The following HMCN2 variants were observed in gnomAD, a reference collection of about 807,000 sequenced individuals.
HMCN2 encodes hemicentin-2.
Under a neutral mutation model 377.5 loss-of-function variants are expected in HMCN2, and 325 were observed. The ratio of observed to expected loss-of-function variants is 0.86; its 90% CI spans 0.79 to 0.94. HMCN2 has a LOEUF of 0.94. Ranked by LOEUF, HMCN2 falls within the 40% of genes least tolerant of loss-of-function variation. The pLI is 0.00. For missense variants in HMCN2, 4,543 were observed against 4,725.3 expected (o/e 0.96, Z 1.13); for synonymous variants, 2,007 against 2,046.8 (o/e 0.98, Z 0.53).
chr9:130,397,915 A>T (rs371521238), intron 74 of HMCN2, among the ~76,000 whole-genome samples: 20 of 152,074 alleles, frequency 1.3e-4, no homozygotes, highest in African/African-American at 4.6e-4. Flanking sequence ...TGAGAGGCCG[A>T]GGCAGGAGGA....
intron 15 of HMCN2, among the ~76,000 whole-genome samples, chr9:130,317,044 C>T (rs1034899175): frequency 0.017 from 2,533 of 151,586 alleles, 65 homozygotes; most frequent in African/African-American, 0.057. Context: ...GGGTCCAGGG[C>T]ACAGCAATGA....
intron 15 of HMCN2, among the ~76,000 whole-genome samples, chr9:130,318,364 C>G (rs1395008202): frequency 6.6e-6 from 1 of 151,802 alleles, no homozygotes; most frequent in African/African-American, 2.4e-5. Flanking sequence ...AGGCCAGGGA[C>G]TTCCCTGCTG....
intron 90 of HMCN2, among the ~76,000 whole-genome samples, chr9:130,426,664 C>G (rs1286007531): frequency 6.6e-6 from 1 of 152,212 alleles, no homozygotes; most frequent in Non-Finnish European, 1.5e-5. Context: ...GCTTGTCCAA[C>G]CCATGGCCCA....
At chr9:130,397,501 C>T (rs1175994791) in intron 73 of HMCN2, 27 bp from the exon 74 acceptor site, 7 of 1,289,002 alleles carry the variant, frequency 5.4e-6, no homozygotes, top group Non-Finnish European at 7.1e-6. Flanking sequence ...GCTTGCTCAT[C>T]TCCAGGGCAA....
chr9:130,382,980 A>T, intron 56 of HMCN2, 114 bp downstream of exon 56: 1 of 614,518 alleles, frequency 1.6e-6, no homozygotes. Flanking sequence ...GCTGGGAACC[A>T]TGCTGGAGCC....
intron 86 of HMCN2, among the ~76,000 whole-genome samples, chr9:130,420,625 C>T (rs551257535): frequency 1.3e-5 from 2 of 151,976 alleles, no homozygotes; most frequent in East Asian, 3.9e-4. Flanking sequence ...GTCTGGGTCT[C>T]TCTCCCAGGG....
intron 75 of HMCN2, among the ~76,000 whole-genome samples, 164 bp downstream of exon 75, chr9:130,398,871 C>T (rs150488574): frequency 2.0e-5 from 3 of 152,282 alleles, no homozygotes; most frequent in Non-Finnish European, 4.4e-5. Flanking sequence ...AGTCTTCACA[C>T]TGAGATAGGG....
intron 22 of HMCN2, among the ~76,000 whole-genome samples, chr9:130,332,247 T>G (rs889565890): frequency 6.6e-6 from 1 of 152,148 alleles, no homozygotes; most frequent in Non-Finnish European, 1.5e-5. Context: ...TGGAGAACAT[T>G]TAAGTTTCCT....
chr9:130,357,979 GA>G lies in HMCN2; in HGVS notation c.5573del (p.Asn1858ThrfsTer9). ...GTGTAGCCCTGGCAGCCTTTGGGGG[GA>G]ACCTACAGGTATGTGCAGGGGCCCC... ...DGVALAAFGG[N>X]LQIEKVDLRD... On this transcript the variant is annotated frameshift_variant, in exon 35 of 98. Coordinates refer to ENST00000683500, the MANE Select transcript of HMCN2 (RefSeq NM_001291815.2). LOFTEE classifies it high-confidence loss of function. 7.7e-7 allele frequency: 1 copy of G among 1,303,932 alleles called. No individual in the cohort carries two copies. Among genetic ancestry groups the G allele is most frequent in the South Asian group, 1.2e-5 (1 of 81,014 alleles). 80.8% of individuals were successfully genotyped at this position (1,303,932 alleles called of 1,614,324 possible). A position where few individuals can be genotyped will look rare whatever the true frequency, so the allele number is the denominator to read the frequency against.
Position 130,351,333 on chromosome 9 carries a change from G to T in HMCN2, c.4431-90G>T. ...TGGCGCTAATGAATGGCCCAGCCTC[G>T]CTTTTTACAAGCCACACACTCCCTG... On this transcript the variant is annotated intron_variant, in intron 29 of 97. Coordinates refer to ENST00000683500, the MANE Select transcript of HMCN2 (RefSeq NM_001291815.2). The surrounding 1 kb of genome is among the most constrained non-coding windows in gnomAD (Gnocchi z 5.4). The T allele has an allele frequency of 9.4e-7, 1 of 1,068,406 alleles. No homozygotes were observed. Among genetic ancestry groups the T allele is most frequent in the Non-Finnish European group, 1.2e-6 (1 of 819,512 alleles). 66.2% of individuals were successfully genotyped at this position (1,068,406 alleles called of 1,614,324 possible).
chr9:130,366,996 G>A (rs987920970), intron 43 of HMCN2, among the ~76,000 whole-genome samples: 7 of 152,158 alleles, frequency 4.6e-5, no homozygotes, highest in African/African-American at 1.7e-4. Context: ...AGGAATGCTC[G>A]ACCAAGCGGA....
In HMCN2 at chr9:130,349,035, T is replaced by C; in HGVS notation, c.4207T>C (p.Phe1403Leu). 7.7e-7 allele frequency: 1 copy of C among 1,304,218 alleles called. No homozygotes were observed. The highest frequency in any genetic ancestry group is 1.2e-5 in the South Asian group (1 of 81,034). 80.8% of individuals were successfully genotyped at this position (1,304,218 alleles called of 1,614,324 possible). The change falls in exon 28 of 98, where the codon TTC becomes CTC. Residue 1403 changes from phenylalanine to leucine, a missense_variant. By Grantham distance (22) the Phe-to-Leu change is conservative. Transcript: ENST00000683500. ...CCTGGACGAGGGCCAGTCCCTCCAC[T>C]TCCCCAGGATCCAGGAGGGTGATTC... ...RLLDEGQSLH[F>L]PRIQEGDSGL...
chr9:130,384,320 C>T, intron 57 of HMCN2, 53 bp from the exon 58 acceptor site: 1 of 1,248,824 alleles, frequency 8.0e-7, no homozygotes, highest in Non-Finnish European at 1.0e-6. Flanking sequence ...CTCTGTGCTC[C>T]CCTGCTGGTG....
chr9:130,420,930 T>C (rs555748310), intron 86 of HMCN2, among the ~76,000 whole-genome samples: 4 of 152,268 alleles, frequency 2.6e-5, no homozygotes, highest in Admixed American at 1.3e-4. Context: ...AAACAAATAT[T>C]CTTCCTTTAT....
chr9:130,409,662 T>C (rs10901311), intron 84 of HMCN2, among the ~76,000 whole-genome samples: 31,734 of 152,204 alleles, frequency 0.21, 4,331 homozygotes, highest in East Asian at 0.4. Context: ...CAAGCATTAT[T>C]CCATGTGATG....
At position 130,414,282 on chromosome 9, in the gene HMCN2, G is replaced by A. The variant is rs1372562296; in HGVS notation, c.12961+3630G>A. Among the ~76,000 whole-genome samples, 2 of 152,114 alleles carry A rather than the reference G, an allele frequency of 1.3e-5. No individual in the cohort carries two copies. The highest frequency in any genetic ancestry group is 2.4e-5 in the African/African-American group (1 of 41,416). Reference sequence around the variant, plus strand: ...GCGAGGGTAGTGCCAGCAGAGGCCCGGTGTGGGCGTGCCTCCACCCATCCA... The same window carrying A: ...GCGAGGGTAGTGCCAGCAGAGGCCCAGTGTGGGCGTGCCTCCACCCATCCA... On this transcript the variant is annotated intron_variant, in intron 85 of 97. Transcript: ENST00000683500. This position sits in a 1 kb window ranked among gnomAD's most constrained non-coding sequence, Gnocchi z 4.4.
chr9:130,314,027 A>T (rs1163342166), intron 15 of HMCN2, among the ~76,000 whole-genome samples: 1 of 151,964 alleles, frequency 6.6e-6, no homozygotes, highest in Non-Finnish European at 1.5e-5. Flanking sequence ...TGATCCACCT[A>T]CCTTGGGCTC....
chr9:130,290,405 A>G (rs1213389426), intron 4 of HMCN2, among the ~76,000 whole-genome samples: 1 of 152,134 alleles, frequency 6.6e-6, no homozygotes, highest in African/African-American at 2.4e-5. Context: ...CCATCAGAAC[A>G]TCCTAGAACA....
rs941054051 is a variant in HMCN2, at chr9:130,375,614, C to G, written c.7682C>G (p.Thr2561Ser). 2.0e-6 allele frequency: 2 copies of G among 985,842 alleles called. No individual in the cohort carries two copies. Among genetic ancestry groups the G allele is most frequent in the Non-Finnish European group, 2.4e-6 (2 of 829,938 alleles). The allele number at this position is 985,842 out of a possible 1,614,324, so 61.1% of individuals were successfully genotyped here. Residue 2561 changes from threonine to serine, a missense_variant, in exon 50 of 98, where the codon ACC (threonine) becomes AGC (serine). This residue lies in a region of HMCN2 where 736 missense variants were observed against 773.2 expected (regional missense o/e 0.95). Coordinates refer to ENST00000683500, the MANE Select transcript of HMCN2 (RefSeq NM_001291815.2). ...GAGGACAGTGCAGATGAGGAGGTGA[C>G]CGTGACTGTCAACAACCCCATCTCT... ...GAEDSADEEV[T>S]VTVNNPISLI...
Sources: gnomAD v4.1 joint callset for allele counts (sites outside exome capture counted in the v4.1 genomes callset) on GRCh38, gnomAD v4.1.1 for gene constraint, gnomAD v4.1.1 regional missense constraint, Gnocchi (gnomAD v3.1) non-coding constraint, MANE v1.5 for transcripts, NCBI Gene and HGNC (gene_info 2026-07-23, HGNC 2026-07-21) for gene names.